Variants in ZBTB7C observed in about 807,000 individuals in gnomAD.
ZBTB7C encodes the protein zinc finger and BTB domain-containing protein 7C.
Under a neutral mutation model 25.7 loss-of-function variants are expected in ZBTB7C, and 8 were observed. That is an observed-to-expected ratio of 0.31 (90% CI 0.18 to 0.56). The LOEUF (loss-of-function observed/expected upper bound fraction) is 0.56, where lower values mean the gene tolerates loss of function less well. Among genes scored for constraint, ZBTB7C ranks in the 20% least tolerant of loss-of-function variants. The pLI is 0.91. For missense variants in ZBTB7C, 824 were observed against 855.2 expected (o/e 0.96, Z 0.46); for synonymous variants, 394 against 369.0 (o/e 1.07, Z -0.78).
chr18:48,369,043 T>C (rs1395062658), intron 1 of ZBTB7C, among the ~76,000 whole-genome samples: 2 of 152,206 alleles, frequency 1.3e-5, no homozygotes, highest in African/African-American at 2.4e-5. Context: ...TAGACTTTCT[T>C]TCTCCTCTTG....
intron 2 of ZBTB7C, among the ~76,000 whole-genome samples, chr18:48,298,312 C>A (rs1168339821): frequency 1.3e-5 from 2 of 150,244 alleles, no homozygotes; most frequent in African/African-American, 4.9e-5. Flanking sequence ...GAGTTGATGG[C>A]TGCCTTACTT....
At chr18:48,052,175 G>A (rs2036713241) in intron 3 of ZBTB7C, among the ~76,000 whole-genome samples, 1 of 152,182 alleles carries the variant, frequency 6.6e-6, no homozygotes, top group African/African-American at 2.4e-5. Context: ...TGCCTTCACA[G>A]GAGATGTCCC....
intron 3 of ZBTB7C, among the ~76,000 whole-genome samples, chr18:48,043,063 AAAT>A (rs147500412): frequency 0.43 from 65,868 of 151,878 alleles, 16,219 homozygotes; most frequent in African/African-American, 0.67. Flanking sequence ...ATAGTGGCTA[AAAT>A]AATAAAAAAA....
At chr18:48,164,371 G>C (rs1351010138) in intron 3 of ZBTB7C, among the ~76,000 whole-genome samples, 1 of 152,124 alleles carries the variant, frequency 6.6e-6, no homozygotes. Flanking sequence ...TCATTCCAGG[G>C]TAAGCCTTTG....
chr18:48,080,372 A>C (rs1339413397), intron 3 of ZBTB7C, among the ~76,000 whole-genome samples: 1 of 151,830 alleles, frequency 6.6e-6, no homozygotes, highest in Non-Finnish European at 1.5e-5. Flanking sequence ...TCACATCCTT[A>C]TTTCTCTGTG....
intron 3 of ZBTB7C, among the ~76,000 whole-genome samples, chr18:48,048,275 G>T (rs1350336872): frequency 6.6e-6 from 1 of 152,216 alleles, no homozygotes; most frequent in Non-Finnish European, 1.5e-5. Flanking sequence ...AAAGCATTTT[G>T]TTGGGCAGAG....
At chr18:48,131,475 T>G (rs1371445898) in intron 3 of ZBTB7C, among the ~76,000 whole-genome samples, 1 of 152,222 alleles carries the variant, frequency 6.6e-6, no homozygotes, top group East Asian at 1.9e-4. Context: ...TAGTTGTTTT[T>G]TTTTTTGTGT....
intron 2 of ZBTB7C, among the ~76,000 whole-genome samples, chr18:48,287,338 T>A (rs1312857148): frequency 6.6e-6 from 1 of 152,218 alleles, no homozygotes; most frequent in Non-Finnish European, 1.5e-5. Context: ...GACAAATTCC[T>A]GGAAGAATAT....
chr18:48,250,801 T>C (rs1234584444), intron 2 of ZBTB7C, among the ~76,000 whole-genome samples: 1 of 151,774 alleles, frequency 6.6e-6, no homozygotes, highest in African/African-American at 2.4e-5. Context: ...TTATATCCAG[T>C]CTAACAGTGA....
At chr18:48,382,318 C>T (rs958476036) in intron 1 of ZBTB7C, among the ~76,000 whole-genome samples, 7 of 152,126 alleles carry the variant, frequency 4.6e-5, no homozygotes, top group Admixed American at 6.5e-5. Context: ...GTTTTTCATA[C>T]GTTTTTAAAA....
intron 2 of ZBTB7C, among the ~76,000 whole-genome samples, chr18:48,304,653 C>T (rs2045626414): frequency 1.3e-5 from 2 of 152,204 alleles, no homozygotes; most frequent in African/African-American, 4.8e-5. Context: ...CCAGCCTGGG[C>T]AACACAGTGA....
intron 2 of ZBTB7C, among the ~76,000 whole-genome samples, chr18:48,189,464 G>C (rs555372587): frequency 6.6e-6 from 1 of 152,244 alleles, no homozygotes; most frequent in Non-Finnish European, 1.5e-5. Flanking sequence ...AGACTGACAG[G>C]AGTTCTGGAC....
intron 1 of ZBTB7C, among the ~76,000 whole-genome samples, chr18:48,392,161 C>A (rs1255275592): frequency 2.0e-5 from 3 of 152,194 alleles, no homozygotes; most frequent in Non-Finnish European, 4.4e-5. Flanking sequence ...GTGCTGGTCC[C>A]TTAAATCAGA....
chr18:48,029,693 C>T lies in ZBTB7C; in HGVS notation c.1427G>A (p.Arg476Gln), dbSNP rs528743120. ...HIKRQSCRMA[R>Q]PRRGRKPAAW... is the part of the protein sequence containing the mutation. ...AGCAGGCTTGCGGCCGCGTCGGGGC[C>T]GTGCCATGCGGCAGCTCTGGCGCTT... is the stretch of plus-strand genomic sequence containing the variant. Residue 476 changes from arginine (R) to glutamine (Q), a missense_variant, in exon 5 of 5, where the codon CGG becomes CAG. Physicochemically the swap from Arg to Gln is conservative, Grantham distance 43 (BLOSUM62 1). Transcript: ENST00000590800. 2.5e-6 allele frequency: 4 copies of T among 1,596,984 alleles called. No homozygotes were observed. Among genetic ancestry groups the T allele is most frequent in the African/African-American group, 2.7e-5 (2 of 74,922 alleles).
At chr18:48,291,725 T>C (rs528045080) in intron 2 of ZBTB7C, among the ~76,000 whole-genome samples, 1 of 152,342 alleles carries the variant, frequency 6.6e-6, no homozygotes, top group South Asian at 2.1e-4. Flanking sequence ...TTTCCAGTGC[T>C]CTTGACCAAA....
intron 3 of ZBTB7C, among the ~76,000 whole-genome samples, chr18:48,155,245 T>C: frequency 6.6e-6 from 1 of 151,950 alleles, no homozygotes; most frequent in African/African-American, 2.4e-5. Context: ...TTTATTTTTC[T>C]CTCGGGTGCT....
intron 3 of ZBTB7C, among the ~76,000 whole-genome samples, chr18:48,142,738 G>C (rs909215869): frequency 6.7e-6 from 1 of 149,240 alleles, no homozygotes; most frequent in East Asian, 1.9e-4. Context: ...GTGGGATAGT[G>C]GCAGGAAAGG....
At chr18:48,354,498 C>G (rs1216556122) in intron 1 of ZBTB7C, among the ~76,000 whole-genome samples, 1 of 152,092 alleles carries the variant, frequency 6.6e-6, no homozygotes, top group Non-Finnish European at 1.5e-5. Context: ...TAATTAATCA[C>G]CTGGTAAAAG....
Position 48,043,810 on chromosome 18 carries a change from A to T in ZBTB7C, c.-16-2687T>A, listed in dbSNP as rs904373266. 5.3e-5 allele frequency among the ~76,000 whole-genome samples: 8 copies of T among 152,318 alleles called. 1 individual carries two copies. In the South Asian group the frequency reaches 1.0e-3, roughly 20 times the overall value. Reference sequence around the variant, plus strand: ...AAACGATAAGTATCTCAAAAGAAAAAGTCTAAGAGAAGCAAATGACGGGAA... The same window carrying T: ...AAACGATAAGTATCTCAAAAGAAAATGTCTAAGAGAAGCAAATGACGGGAA... On this transcript the variant is annotated intron_variant, in intron 3 of 4. Coordinates refer to ENST00000590800, the MANE Select transcript of ZBTB7C (RefSeq NM_001318841.2).
Sources: allele counts gnomAD v4.1 joint callset (sites outside exome capture counted in the v4.1 genomes callset), GRCh38; gene constraint gnomAD v4.1.1; transcripts MANE v1.5; gene names NCBI Gene and HGNC (gene_info 2026-07-23, HGNC 2026-07-21).